Variants in TET2 observed in about 807,000 individuals in gnomAD.
TET2 encodes methylcytosine dioxygenase TET2.
In TET2, 299 loss-of-function variants were observed where a neutral mutation model predicts 142.9. The observed-to-expected ratio is 2.09, with a 90% CI of 1.90 to 2.30. The LOEUF is 2.30. TET2 is among the 30% of genes most tolerant of loss of function. The pLI is 0.00. For missense variants in TET2, 2,418 were observed against 2,378.0 expected (o/e 1.02, Z -0.35); for synonymous variants, 819 against 849.0 (o/e 0.96, Z 0.61).
At chr4:105,147,665 A>G (rs898383149) in intron 1 of TET2, 1 of 152,162 alleles carries the variant, frequency 6.6e-6, no homozygotes, top group African/African-American at 2.4e-5. Context: ...CAAGACCAGA[A>G]CTCACTTTTC....
intron 8 of TET2, among the ~76,000 whole-genome samples, chr4:105,265,521 C>T (rs1487971183): frequency 6.6e-6 from 1 of 152,166 alleles, no homozygotes; most frequent in Middle Eastern, 3.2e-3. Flanking sequence ...GCTAACTAGA[C>T]CACAGCATGA....
intron 1 of TET2, among the ~76,000 whole-genome samples, chr4:105,169,556 A>G (rs1724340345): frequency 2.0e-5 from 3 of 151,904 alleles, no homozygotes; most frequent in Non-Finnish European, 4.4e-5. Context: ...GACTGTTCCT[A>G]TTGCTGTGCA....
intron 1 of TET2, among the ~76,000 whole-genome samples, chr4:105,183,152 G>T (rs538985532): frequency 2.3e-4 from 35 of 152,202 alleles, no homozygotes; most frequent in African/African-American, 8.4e-4. Flanking sequence ...TGTTTTAAAT[G>T]GATGCAATTA....
rs1490473531 is a variant in TET2, at chr4:105,235,098, G to T, written c.1156G>T (p.Val386Leu). ...TGGTGCTTACTTCAAGCAAAGCTCA[G>T]TGTTCACTAAGGATTCCTTTTCTGC... ...MNGAYFKQSS[V>L]FTKDSFSATT... Residue 386 changes from valine to leucine, a missense_variant, in exon 3 of 11, where the codon GTG becomes TTG. By Grantham distance (32) the Val-to-Leu change is conservative. Coordinates refer to ENST00000380013, the MANE Select transcript of TET2 (RefSeq NM_001127208.3). 21 of 1,613,916 alleles carry T rather than the reference G, an allele frequency of 1.3e-5. No homozygotes were observed. The East Asian group carries it at 3.1e-4, about 24-fold the overall frequency.
intron 2 of TET2, chr4:105,202,497 T>C (rs1449420499): frequency 6.6e-6 from 1 of 152,196 alleles, no homozygotes; most frequent in African/African-American, 2.4e-5. Flanking sequence ...AATTCGCAAA[T>C]TTATTTTTTG....
rs894825006 is a variant in TET2 at position 105,259,711 on chromosome 4, A to C, written c.3896A>C (p.Lys1299Thr). The C allele has an allele frequency of 6.4e-7, 1 of 1,551,134 alleles. No individual in the cohort carries two copies. Among genetic ancestry groups the C allele is most frequent in the Non-Finnish European group, 8.7e-7 (1 of 1,146,594 alleles). ...CSWSMYYNGC[K>T]FARSKIPRKF... The stretch of plus-strand genomic sequence containing the variant: ...TGGAGCATGTACTACAATGGATGTA[A>C]GTTTGCCAGAAGCAAGATCCCAAGG... Residue 1299 changes from lysine to threonine, a missense_variant, in exon 7 of 11, where the codon AAG (lysine) becomes ACG (threonine). Physicochemically the swap from Lys to Thr is moderately conservative, Grantham distance 78 (BLOSUM62 -1). Transcript: ENST00000380013.
Position 105,237,149 on chromosome 4 carries a change from C to G in TET2, c.3207C>G (p.Thr1069=), listed in dbSNP as rs746885062. The change falls in exon 3 of 11, where the codon ACC becomes ACG. Residue 1069 remains threonine, a synonymous_variant. Transcript: ENST00000380013. ...SGPVTVLTRQ[T]TAAELDSHTP... ...CAGTCACAGTTTTGACTAGACAAAC[C>G]ACTGCTGCAGAACTTGATAGCCACA... is the stretch of plus-strand genomic sequence containing the variant. The G allele has an allele frequency of 2.5e-6, 4 of 1,614,118 alleles. No individual in the cohort carries two copies. In the South Asian group the frequency reaches 4.4e-5, roughly 18 times the overall value.
At chr4:105,214,301 ATT>A (rs35390923) in intron 2 of TET2, among the ~76,000 whole-genome samples, 107 of 86,026 alleles carry the variant, frequency 1.2e-3, no homozygotes, top group African/African-American at 4.8e-3. Flanking sequence ...CCCGAGGGAG[ATT>A]TTTTTTTTTT....
intron 1 of TET2, among the ~76,000 whole-genome samples, chr4:105,163,588 T>A (rs1278113258): frequency 6.6e-6 from 1 of 152,186 alleles, no homozygotes; most frequent in Non-Finnish European, 1.5e-5. Context: ...CTAATTCTTA[T>A]GTCATCTATA....
At position 105,235,945 on chromosome 4, in the gene TET2, T is replaced by TAC; in HGVS notation, c.2004_2005dup (p.Pro669HisfsTer32). 1 of 1,614,136 alleles carries TAC rather than the reference T, an allele frequency of 6.2e-7. No individual in the cohort carries two copies. The highest frequency in any genetic ancestry group is 8.5e-7 in the Non-Finnish European group (1 of 1,180,012). On this transcript the variant is annotated frameshift_variant, in exon 3 of 11. Transcript: ENST00000380013. LOFTEE classifies it high-confidence loss of function. ...GTGCACTTCTCCAAAACAGACCATT[T>TAC]ACCAAAAGCTCATGTGCAGTCACTG...
chr4:105,248,918 TTCTC>T (rs897479489), intron 6 of TET2, among the ~76,000 whole-genome samples: 5 of 152,020 alleles, frequency 3.3e-5, no homozygotes, highest in African/African-American at 1.2e-4. Flanking sequence ...TATTTGGCCT[TTCTC>T]TCTGGCTTCT....
At chr4:105,190,300 G>T in intron 1 of TET2, 60 bp from the exon 2 acceptor site, 1 of 564,060 alleles carries the variant, frequency 1.8e-6, no homozygotes, top group Non-Finnish European at 3.2e-6. Context: ...CTTTATATCA[G>T]GTGTATATAC....
chr4:105,185,493 C>T (rs920626933), intron 1 of TET2, among the ~76,000 whole-genome samples: 5 of 152,130 alleles, frequency 3.3e-5, no homozygotes, highest in Non-Finnish European at 7.4e-5. Context: ...TTCTAAAACA[C>T]AGTGAGACCA....
chr4:105,270,679 TATA>T (rs1730911552), intron 9 of TET2, among the ~76,000 whole-genome samples: 1 of 22,276 alleles, frequency 4.5e-5, no homozygotes, highest in South Asian at 8.8e-4. Flanking sequence ...ACATGTTATA[TATA>T]TATATATATA....
At chr4:105,204,224 A>T (rs562920271) in intron 2 of TET2, among the ~76,000 whole-genome samples, 2 of 93,138 alleles carry the variant, frequency 2.1e-5, no homozygotes, top group African/African-American at 9.2e-5. Context: ...CCAAAAAAAA[A>T]AAAAATATAT....
In TET2 at chr4:105,276,776, T is replaced by A. The variant is rs1731242368; in HGVS notation, c.*257T>A. Reference sequence around the variant, plus strand: ...CAAAAAGAAGGTGGGGAAGAAAGTGTTCCGCAATTTACATTTTTAAACACT... The same window carrying A: ...CAAAAAGAAGGTGGGGAAGAAAGTGATCCGCAATTTACATTTTTAAACACT... On this transcript the variant is annotated 3_prime_UTR_variant, in exon 11 of 11. Transcript: ENST00000380013. 1 of 407,184 alleles carries A rather than the reference T, an allele frequency of 2.5e-6. No individual in the cohort carries two copies. The highest frequency in any genetic ancestry group is 4.4e-6 in the Non-Finnish European group (1 of 226,328). The allele number at this position is 407,184 out of a possible 1,614,324, so 25.2% of individuals were successfully genotyped here.
At chr4:105,208,312 G>T (rs2110534883) in intron 2 of TET2, among the ~76,000 whole-genome samples, 1 of 152,130 alleles carries the variant, frequency 6.6e-6, no homozygotes, top group Admixed American at 6.5e-5. Flanking sequence ...CCATTCTCAA[G>T]CTGGCTTCTC....
At chr4:105,241,078 T>C in intron 3 of TET2, 1 of 1,091,924 alleles carries the variant, frequency 9.2e-7, no homozygotes, top group Non-Finnish European at 1.1e-6. Flanking sequence ...TTTAGTTTCA[T>C]TTATTTGGTT....
intron 1 of TET2, among the ~76,000 whole-genome samples, chr4:105,173,803 TAAC>T (rs1250844806): frequency 1.3e-5 from 2 of 152,218 alleles, no homozygotes; most frequent in African/African-American, 4.8e-5. Flanking sequence ...GAATTCCTGT[TAAC>T]AAAGTGACAT....
Sources: gnomAD v4.1 joint callset for allele counts (sites outside exome capture counted in the v4.1 genomes callset) on GRCh38, gnomAD v4.1.1 for gene constraint, MANE v1.5 for transcripts, NCBI Gene and HGNC (gene_info 2026-07-23, HGNC 2026-07-21) for gene names.